Variants in PCCA observed in about 807,000 individuals in gnomAD.
The protein encoded by PCCA is propionyl-CoA carboxylase alpha chain, mitochondrial.
Under a neutral mutation model 101.3 loss-of-function variants are expected in PCCA, and 74 were observed. The observed-to-expected ratio is 0.73, with a 90% confidence interval of 0.61 to 0.89. The LOEUF (loss-of-function observed/expected upper bound fraction) is 0.89. Ranked by LOEUF, PCCA falls within the 40% of genes least tolerant of loss-of-function variation. PCCA has a pLI of 0.00. For missense variants in PCCA, 891 were observed against 907.0 expected, an observed-to-expected ratio of 0.98 and a Z score of 0.23; for synonymous variants, 294 against 313.6, an observed-to-expected ratio of 0.94 and a Z score of 0.66.
chr13:100,253,061 T>G (rs1413110008), intron 8 of PCCA, among the ~76,000 whole-genome samples: 5 of 152,224 alleles, frequency 3.3e-5, no homozygotes, highest in Non-Finnish European at 7.3e-5. Context: ...AGAAGCATTT[T>G]CAAGGAGCAG....
chr13:100,314,676 G>A (rs1054756370), intron 16 of PCCA, among the ~76,000 whole-genome samples: 1 of 152,162 alleles, frequency 6.6e-6, no homozygotes, highest in African/African-American at 2.4e-5. Flanking sequence ...TAATCATGAG[G>A]AAACATCAGA....
intron 2 of PCCA, among the ~76,000 whole-genome samples, chr13:100,111,292 A>C (rs909264207): frequency 6.7e-6 from 1 of 149,868 alleles, no homozygotes; most frequent in South Asian, 2.1e-4. Flanking sequence ...TGGCCTCCCA[A>C]AGTGCTGGAT....
chr13:100,326,558 A>G (rs938673456), intron 16 of PCCA, among the ~76,000 whole-genome samples: 2 of 152,214 alleles, frequency 1.3e-5, no homozygotes, highest in Non-Finnish European at 2.9e-5. Context: ...AAAGGCAGAC[A>G]AAAATTACAA....
intron 17 of PCCA, 73 bp from the exon 18 acceptor site, chr13:100,340,084 A>C: frequency 1.2e-6 from 1 of 860,422 alleles, no homozygotes; most frequent in Non-Finnish European, 2.0e-6. Flanking sequence ...AATGACTAGT[A>C]ATTCTATAGG....
intron 12 of PCCA, among the ~76,000 whole-genome samples, chr13:100,294,761 T>C (rs1172753787): frequency 6.6e-6 from 1 of 152,182 alleles, no homozygotes; most frequent in East Asian, 1.9e-4. Flanking sequence ...TCTGATGTTA[T>C]TGGCAAAAAT....
At chr13:100,410,399 T>C (rs2077968653) in intron 19 of PCCA, among the ~76,000 whole-genome samples, 1 of 152,156 alleles carries the variant, frequency 6.6e-6, no homozygotes, top group Non-Finnish European at 1.5e-5. Flanking sequence ...CATGCCGTGA[T>C]GCCCAGCTAA....
intron 17 of PCCA, among the ~76,000 whole-genome samples, chr13:100,336,444 G>T (rs775072651): frequency 7.2e-5 from 11 of 152,144 alleles, no homozygotes; most frequent in Admixed American, 2.0e-4. Flanking sequence ...GGTCATAGTG[G>T]CATGTCACAA....
intron 21 of PCCA, among the ~76,000 whole-genome samples, chr13:100,511,459 T>C (rs2086473291): frequency 6.6e-6 from 1 of 152,180 alleles, no homozygotes; most frequent in African/African-American, 2.4e-5. Flanking sequence ...GCCTCCTTAC[T>C]TAGTGAGGGG....
intron 12 of PCCA, among the ~76,000 whole-genome samples, chr13:100,295,186 T>C (rs1472921352): frequency 3.3e-5 from 5 of 152,166 alleles, no homozygotes; most frequent in Admixed American, 6.5e-5. Flanking sequence ...TTCTGTTCCG[T>C]GAACAGAAAG....
intron 20 of PCCA, among the ~76,000 whole-genome samples, chr13:100,434,477 G>A (rs1321254949): frequency 6.6e-6 from 1 of 152,168 alleles, no homozygotes; most frequent in Admixed American, 6.5e-5. Context: ...GTTTTCTGGG[G>A]CAGAGGCAAC....
intron 7 of PCCA, among the ~76,000 whole-genome samples, chr13:100,223,663 C>T (rs550233606): frequency 6.6e-6 from 1 of 152,190 alleles, no homozygotes; most frequent in East Asian, 1.9e-4. Context: ...GGGCAGCCTG[C>T]TTTTATTCTC....
At chr13:100,232,553 A>AT (rs2060561093) in intron 7 of PCCA, among the ~76,000 whole-genome samples, 1 of 151,722 alleles carries the variant, frequency 6.6e-6, no homozygotes, top group South Asian at 2.1e-4. Context: ...TAATTTTTGT[A>AT]TTTTTTTGTA....
chr13:100,427,056 C>T (rs1233726896), intron 20 of PCCA, among the ~76,000 whole-genome samples: 1 of 152,050 alleles, frequency 6.6e-6, no homozygotes, highest in Non-Finnish European at 1.5e-5. Flanking sequence ...GTCTCCACTA[C>T]AAATACAAAA....
chr13:100,400,814 C>A (rs1231294264), intron 19 of PCCA, among the ~76,000 whole-genome samples: 4 of 151,508 alleles, frequency 2.6e-5, no homozygotes, highest in Non-Finnish European at 5.9e-5. Flanking sequence ...TTAGTAGAGA[C>A]GGGGTTTCAC....
chr13:100,530,300 T>G lies in PCCA; in HGVS notation c.*134T>G. The G allele has an allele frequency of 2.6e-6, 2 of 761,238 alleles. No homozygotes were observed. Among genetic ancestry groups the G allele is most frequent in the Non-Finnish European group, 4.6e-6 (2 of 430,238 alleles). The allele number at this position is 761,238 out of a possible 1,614,324, so 47.2% of individuals were successfully genotyped here. On this transcript the variant is annotated 3_prime_UTR_variant, in exon 24 of 24. Transcript: ENST00000376285. ...TTACGTCGTCATTTATTCCACAGAGTCAAGACCAATATTCTGCCAAAAAAT... is the reference window on the plus strand; with the variant it reads ...TTACGTCGTCATTTATTCCACAGAGGCAAGACCAATATTCTGCCAAAAAAT...
At chr13:100,117,746 C>T (rs1322893021) in intron 4 of PCCA, among the ~76,000 whole-genome samples, 2 of 151,764 alleles carry the variant, frequency 1.3e-5, no homozygotes, top group East Asian at 1.9e-4. Context: ...ACGTTGTGCA[C>T]ATGTACCCTA....
At chr13:100,369,116 A>G (rs1359274890) in intron 19 of PCCA, among the ~76,000 whole-genome samples, 6 of 152,208 alleles carry the variant, frequency 3.9e-5, no homozygotes, top group Admixed American at 2.0e-4. Context: ...TTCAGTGTTT[A>G]TACTGTAGTA....
intron 21 of PCCA, among the ~76,000 whole-genome samples, chr13:100,474,690 C>G (rs911507965): frequency 6.6e-6 from 1 of 152,022 alleles, no homozygotes; most frequent in Admixed American, 6.6e-5. Context: ...GATTTTACCA[C>G]GTTGCCCAGG....
At chr13:100,209,784 A>G (rs564282354) in intron 7 of PCCA, among the ~76,000 whole-genome samples, 80 of 152,140 alleles carry the variant, frequency 5.3e-4, no homozygotes, top group African/African-American at 1.9e-3. Flanking sequence ...GGTGCCTGCC[A>G]CCATGCCCAG....
Sources: allele counts gnomAD v4.1 joint callset (sites outside exome capture counted in the v4.1 genomes callset), GRCh38; gene constraint gnomAD v4.1.1; transcripts MANE v1.5; gene names NCBI Gene and HGNC (gene_info 2026-07-23, HGNC 2026-07-21).